The following SP6 variants were observed in gnomAD, a reference collection of about 807,000 sequenced individuals.
SP6 encodes transcription factor Sp6.
SP6 carries 10 observed loss-of-function variants against 23.4 expected under a neutral mutation model. The observed-to-expected ratio is 0.43, with a 90% CI of 0.26 to 0.72. The LOEUF is 0.72. Ranked by LOEUF, SP6 falls within the 30% of genes least tolerant of loss-of-function variation. SP6 has a pLI of 0.23. For missense variants in SP6, 482 were observed against 523.8 expected, an observed-to-expected ratio of 0.92 and a Z score of 0.78; for synonymous variants, 238 against 238.7, an observed-to-expected ratio of 1.00 and a Z score of 0.03.
chr17:47,862,047 A>G, the SP6 span, among the ~76,000 whole-genome samples: 1 of 73,874 alleles, frequency 1.4e-5, no homozygotes, highest in Non-Finnish European at 3.3e-5. Flanking sequence ...CCTGTCTCAG[A>G]AAAAAAAAAA....
chr17:47,864,268 T>G, the SP6 span, among the ~76,000 whole-genome samples: 1 of 151,062 alleles, frequency 6.6e-6, no homozygotes, highest in Non-Finnish European at 1.5e-5. Context: ...TTTGTTTTTG[T>G]TTTTTGTTGT....
At chr17:47,864,001 CT>C in the SP6 span, among the ~76,000 whole-genome samples, 3,732 of 101,558 alleles carry the variant, frequency 0.037, 264 homozygotes, top group African/African-American at 0.13. Flanking sequence ...CCGCGCCTGG[CT>C]TTTTTTTTTT....
the SP6 span, among the ~76,000 whole-genome samples, chr17:47,871,159 C>T: frequency 6.6e-6 from 1 of 152,212 alleles, no homozygotes. Flanking sequence ...GAATGGTGCC[C>T]ACACTTGGAA....
upstream of SP6, among the ~76,000 whole-genome samples, chr17:47,851,391 G>A (rs948252651): frequency 6.6e-6 from 1 of 152,172 alleles, no homozygotes; most frequent in Non-Finnish European, 1.5e-5. Flanking sequence ...CCCGGGTGGG[G>A]TGATTCCCAG....
At chr17:47,852,425 C>T (rs942003804), upstream of SP6, among the ~76,000 whole-genome samples, 5 of 151,808 alleles carry the variant, frequency 3.3e-5, no homozygotes, top group Middle Eastern at 3.2e-3. Flanking sequence ...CATGTGACCC[C>T]TTTTTTCACA....
chr17:47,862,378 C>T, the SP6 span, among the ~76,000 whole-genome samples: 1 of 148,428 alleles, frequency 6.7e-6, no homozygotes, highest in Non-Finnish European at 1.5e-5. Context: ...TGTGGTGGCA[C>T]ACGCCTGTAG....
the SP6 span, among the ~76,000 whole-genome samples, chr17:47,868,493 C>T: frequency 3.7e-4 from 56 of 152,292 alleles, no homozygotes; most frequent in Non-Finnish European, 6.9e-4. Flanking sequence ...CACTTTCATA[C>T]GTGGGCAGCC....
rs2033902931 is a variant in SP6 at position 47,847,645 on chromosome 17, C to T, written c.785G>A (p.Gly262Glu). 1 of 1,613,150 alleles carries T rather than the reference C, an allele frequency of 6.2e-7. No homozygotes were observed. Among genetic ancestry groups the T allele is most frequent in the African/African-American group, 1.3e-5 (1 of 75,062 alleles). Residue 262 changes from glycine (G) to glutamate (E), a missense_variant, in exon 2 of 2, where the codon GGG (glycine) becomes GAG (glutamate). Around this residue, in one of 3 missense-constraint regions of SP6, gnomAD observed 51 missense variants for 92.1 expected, o/e 0.55. Transcript: ENST00000536300. ...HLHNCHIPGC[G>E]KAYAKTSHLK... is the part of the protein sequence containing the mutation. ...GTGCGACGTCTTGGCGTAGGCTTTC[C>T]CGCAGCCCGGGATGTGGCAGTTGTG...
chr17:47,847,143 C>A lies in SP6; in HGVS notation c.*156G>T. On this transcript the variant is annotated 3_prime_UTR_variant, in exon 2 of 2. Coordinates refer to ENST00000536300, the MANE Select transcript of SP6 (RefSeq NM_001258248.2). ...TAGTAGCCCCAGAGACTAAGAACCC[C>A]TAGCGCCCCATCTCCCTGTCCCTGC... The A allele has an allele frequency of 1.3e-6, 1 of 779,860 alleles. No individual in the cohort carries two copies. Among genetic ancestry groups the A allele is most frequent in the South Asian group, 1.9e-5 (1 of 53,210 alleles). The allele number at this position is 779,860 out of a possible 1,614,324, so 48.3% of individuals were successfully genotyped here.
the SP6 span, among the ~76,000 whole-genome samples, chr17:47,874,008 TCCTC>T: frequency 6.7e-6 from 1 of 149,192 alleles, no homozygotes; most frequent in Non-Finnish European, 1.5e-5. Context: ...TTCTTCTCCT[TCCTC>T]CCTCCTTCTT....
At position 47,847,518 on chromosome 17, in the gene SP6, G is replaced by A. The variant is rs750984847; in HGVS notation, c.912C>T (p.His304=). 3 of 1,613,748 alleles carry A rather than the reference G, an allele frequency of 1.9e-6. No homozygotes were observed. In the East Asian group the frequency reaches 6.7e-5, roughly 36 times the overall value. ...TCTTGGTGCCGGTGTGGGTCTGGAG[G>A]TGGCGCTGCAGCTCGTCCGAGCGCG... ...RFTRSDELQR[H]LQTHTGTKKF... Residue 304 remains histidine, a synonymous_variant, in exon 2 of 2, where the codon CAC becomes CAT. Coordinates refer to ENST00000536300, the MANE Select transcript of SP6 (RefSeq NM_001258248.2).
At chr17:47,854,532 C>T (rs2033984571), upstream of SP6, among the ~76,000 whole-genome samples, 1 of 152,152 alleles carries the variant, frequency 6.6e-6, no homozygotes, top group Admixed American at 6.5e-5. Flanking sequence ...TCTGGCTCCC[C>T]TAGAGCCTGA....
chr17:47,847,614 C>T lies in SP6; in HGVS notation c.816G>A (p.Lys272=). 1.2e-6 allele frequency: 2 copies of T among 1,613,614 alleles called. No individual in the cohort carries two copies. Among genetic ancestry groups the T allele is most frequent in the Non-Finnish European group, 1.7e-6 (2 of 1,179,938 alleles). The change falls in exon 2 of 2, where the codon AAG becomes AAA. Residue 272 remains lysine (K), a synonymous_variant. Transcript: ENST00000536300. Reference sequence around the variant, plus strand: ...CGCCGCTGTGCCAGCGCAGGTGCGCCTTCAGGTGCGACGTCTTGGCGTAGG... The same window carrying T: ...CGCCGCTGTGCCAGCGCAGGTGCGCTTTCAGGTGCGACGTCTTGGCGTAGG... The part of the protein sequence containing the change: ...GKAYAKTSHL[K]AHLRWHSGDR...
At chr17:47,868,159 G>A in the SP6 span, among the ~76,000 whole-genome samples, 1 of 152,172 alleles carries the variant, frequency 6.6e-6, no homozygotes, top group African/African-American at 2.4e-5. Flanking sequence ...ACTCACTGCA[G>A]CACAGAGCCT....
At chr17:47,871,072 T>C in the SP6 span, among the ~76,000 whole-genome samples, 1 of 152,218 alleles carries the variant, frequency 6.6e-6, no homozygotes, top group Non-Finnish European at 1.5e-5. Context: ...TTTTGTTTTG[T>C]TCACTAATTG....
At chr17:47,861,640 C>A in the SP6 span, among the ~76,000 whole-genome samples, 1 of 150,806 alleles carries the variant, frequency 6.6e-6, no homozygotes, top group Non-Finnish European at 1.5e-5. Flanking sequence ...AGCTGAGGCA[C>A]AAGAATCGCT....
At chr17:47,852,679 C>T (rs533079087), upstream of SP6, among the ~76,000 whole-genome samples, 18 of 152,208 alleles carry the variant, frequency 1.2e-4, no homozygotes, top group South Asian at 1.9e-3. Context: ...AGTGCATAAG[C>T]GGGGTGAAAA....
At chr17:47,865,991 G>A in the SP6 span, among the ~76,000 whole-genome samples, 1 of 152,082 alleles carries the variant, frequency 6.6e-6, no homozygotes, top group South Asian at 2.1e-4. Context: ...TGATCACCAG[G>A]CCAGGGCTCA....
the SP6 span, among the ~76,000 whole-genome samples, chr17:47,866,605 C>T: frequency 6.6e-6 from 1 of 152,184 alleles, no homozygotes; most frequent in Non-Finnish European, 1.5e-5. Context: ...ACCGGAGTAG[C>T]CAGACAGCCA....
Sources: gnomAD v4.1 joint callset for allele counts (sites outside exome capture counted in the v4.1 genomes callset) on GRCh38, gnomAD v4.1.1 for gene constraint, gnomAD v4.1.1 regional missense constraint, MANE v1.5 for transcripts, NCBI Gene and HGNC (gene_info 2026-07-23, HGNC 2026-07-21) for gene names.